KIF18A: variants seen among roughly 807,000 people sequenced by gnomAD.
The protein encoded by KIF18A is kinesin family member 18A, also known as kinesin-like protein KIF18A.
A neutral mutation model predicts 103.3 loss-of-function variants in KIF18A; 67 were observed. The observed-to-expected ratio is 0.65, with a 90% CI of 0.53 to 0.79. The LOEUF is 0.79. Among genes scored for constraint, KIF18A ranks in the 30% least tolerant of loss-of-function variants. The pLI is 0.00. For missense variants in KIF18A, 1,032 were observed against 1,062.5 expected (o/e 0.97, Z 0.40); for synonymous variants, 367 against 355.5 (o/e 1.03, Z -0.36).
At chr11:28,072,400 C>G (rs1474247563) in intron 10 of KIF18A, among the ~76,000 whole-genome samples, 1 of 152,070 alleles carries the variant, frequency 6.6e-6, no homozygotes, top group Non-Finnish European at 1.5e-5. Flanking sequence ...ATCCATACTC[C>G]AGAACTATTT....
intron 13 of KIF18A, among the ~76,000 whole-genome samples, chr11:28,057,488 C>A (rs560594093): frequency 6.6e-6 from 1 of 151,984 alleles, no homozygotes; most frequent in Non-Finnish European, 1.5e-5. Flanking sequence ...GCACTCCAGC[C>A]TGGGTGACAG....
rs186855485 is a variant in KIF18A at position 28,056,438 on chromosome 11, C to T, written c.1948+2488G>A. On this transcript the variant is annotated intron_variant, in intron 13 of 16. Transcript: ENST00000263181. ...CAGGAAGAGAAAAAAACATTAAAAG[C>T]AAAAGAGTAAAGGGCATAGACAATA... 4.1e-4 allele frequency among the ~76,000 whole-genome samples: 62 copies of T among 151,590 alleles called. 1 individual carries two copies. The East Asian group carries it at 0.012, about 28-fold the overall frequency.
chr11:28,101,718 A>G (rs2133569399), intron 1 of KIF18A, among the ~76,000 whole-genome samples: 1 of 152,324 alleles, frequency 6.6e-6, no homozygotes, highest in East Asian at 1.9e-4. Flanking sequence ...TAAAATATTG[A>G]CACAAACATG....
At chr11:28,090,333 T>G (rs1475806345) in intron 5 of KIF18A, among the ~76,000 whole-genome samples, 1 of 152,204 alleles carries the variant, frequency 6.6e-6, no homozygotes, top group Non-Finnish European at 1.5e-5. Flanking sequence ...GAATATAAGA[T>G]TATTTATTGG....
intron 16 of KIF18A, among the ~76,000 whole-genome samples, chr11:28,023,145 C>T (rs958007854): frequency 7.2e-5 from 11 of 152,156 alleles, no homozygotes; most frequent in Non-Finnish European, 1.6e-4. Context: ...TGGCATGATA[C>T]ACCACTAGTT....
At chr11:28,074,083 CAGCTACTTGGGAGTCTG>C (rs1373566453) in intron 10 of KIF18A, among the ~76,000 whole-genome samples, 3 of 152,080 alleles carry the variant, frequency 2.0e-5, no homozygotes, top group Non-Finnish European at 4.4e-5. Flanking sequence ...CCTGTAGTCT[CAGCTACTTGGGAGTCTG>C]AGCTACTTGG....
intron 1 of KIF18A, among the ~76,000 whole-genome samples, chr11:28,105,412 A>G (rs1281993964): frequency 6.6e-6 from 1 of 152,160 alleles, no homozygotes; most frequent in Non-Finnish European, 1.5e-5. Flanking sequence ...TTTTTTAGAA[A>G]TTTTAAAACA....
intron 6 of KIF18A, among the ~76,000 whole-genome samples, chr11:28,086,080 C>A (rs1315517169): frequency 2.0e-5 from 3 of 151,974 alleles, no homozygotes; most frequent in African/African-American, 7.2e-5. Flanking sequence ...AAAAAATTAA[C>A]AATAGGGAAA....
chr11:28,090,585 A>G (rs747668375), intron 5 of KIF18A, 32 bp downstream of exon 5: 83 of 1,158,764 alleles, frequency 7.2e-5, no homozygotes, highest in Non-Finnish European at 1.0e-4. Context: ...TTTAAATCCA[A>G]TTTTAAGAGT....
chr11:28,028,620 T>G (rs1027197817), intron 15 of KIF18A, among the ~76,000 whole-genome samples: 5 of 151,878 alleles, frequency 3.3e-5, no homozygotes, highest in African/African-American at 1.2e-4. Flanking sequence ...TTAAAAGAAC[T>G]AGAGAAGCAA....
At chr11:28,095,968 A>G (rs552281890) in intron 2 of KIF18A, among the ~76,000 whole-genome samples, 17 of 150,588 alleles carry the variant, frequency 1.1e-4, no homozygotes, top group Non-Finnish European at 1.8e-4. Flanking sequence ...CTGTGATTGT[A>G]CCAGCGCACT....
chr11:28,100,046 G>A (rs1439775363), intron 1 of KIF18A, among the ~76,000 whole-genome samples: 1 of 152,098 alleles, frequency 6.6e-6, no homozygotes, highest in Non-Finnish European at 1.5e-5. Context: ...TTACTGACAG[G>A]TAGATGTAGA....
chr11:28,051,625 T>C (rs2133515335), intron 13 of KIF18A, among the ~76,000 whole-genome samples: 1 of 152,120 alleles, frequency 6.6e-6, no homozygotes, highest in African/African-American at 2.4e-5. Flanking sequence ...ATAAATGTTT[T>C]AACTTTCAGC....
intron 13 of KIF18A, among the ~76,000 whole-genome samples, chr11:28,046,024 C>T (rs1850628307): frequency 6.6e-6 from 1 of 151,308 alleles, no homozygotes; most frequent in Admixed American, 6.6e-5. Context: ...GAATGGCAAT[C>T]ATTAAAAAGT....
intron 16 of KIF18A, among the ~76,000 whole-genome samples, chr11:28,023,006 G>A (rs1472589214): frequency 2.0e-5 from 3 of 152,282 alleles, no homozygotes; most frequent in African/African-American, 7.2e-5. Flanking sequence ...CAATCAAACT[G>A]TGTCTTACTG....
Position 28,069,244 on chromosome 11 carries a change from C to G in KIF18A, c.1590+15G>C. 6.2e-7 allele frequency: 1 copy of G among 1,600,446 alleles called. No individual in the cohort carries two copies. Among genetic ancestry groups the G allele is most frequent in the Non-Finnish European group, 8.6e-7 (1 of 1,168,034 alleles). On this transcript the variant is annotated intron_variant, in intron 11 of 16. Coordinates refer to ENST00000263181, the MANE Select transcript of KIF18A (RefSeq NM_031217.4). ...TTCCTACAAATTAAATCTGAACATA[C>G]AGAGATATTTGTACCTTTGGAATAT...
chr11:28,097,416 G>T (rs1851388921), intron 2 of KIF18A: 1 of 531,790 alleles, frequency 1.9e-6, no homozygotes, highest in South Asian at 2.3e-5. Context: ...CCCTGGAAGA[G>T]AAAGGTTTAC....
chr11:28,074,264 A>T (rs1197947224), intron 10 of KIF18A, among the ~76,000 whole-genome samples: 1 of 152,156 alleles, frequency 6.6e-6, no homozygotes, highest in Non-Finnish European at 1.5e-5. Flanking sequence ...TCTGTTCAGC[A>T]ACCATATGAA....
intron 1 of KIF18A, among the ~76,000 whole-genome samples, chr11:28,101,960 G>A (rs1277384389): frequency 2.6e-5 from 4 of 152,152 alleles, no homozygotes; most frequent in East Asian, 1.9e-4. Context: ...ATTTGACCCC[G>A]TATATTGTGA....
Sources: gnomAD v4.1 joint callset for allele counts (sites outside exome capture counted in the v4.1 genomes callset) on GRCh38, gnomAD v4.1.1 for gene constraint, MANE v1.5 for transcripts, NCBI Gene and HGNC (gene_info 2026-07-23, HGNC 2026-07-21) for gene names.